The following CACNA2D3 variants were observed in gnomAD, a reference collection of about 807,000 sequenced individuals.
CACNA2D3 encodes calcium voltage-gated channel auxiliary subunit alpha2delta 3.
A neutral mutation model predicts 160.6 loss-of-function variants in CACNA2D3; 60 were observed. The observed-to-expected ratio is 0.37, with a 90% CI of 0.30 to 0.46. The LOEUF (loss-of-function observed/expected upper bound fraction) is 0.46. CACNA2D3 is among the 20% of genes least tolerant of loss of function. The pLI is 1.00. For missense variants in CACNA2D3, 1,205 were observed against 1,365.0 expected (o/e 0.88, Z 1.85); for synonymous variants, 558 against 492.9 (o/e 1.13, Z -1.75).
chr3:54,204,796 G>GAAAAAAAA (rs57129457), intron 2 of CACNA2D3, among the ~76,000 whole-genome samples: 9 of 74,058 alleles, frequency 1.2e-4, no homozygotes, highest in Admixed American at 1.8e-4. Flanking sequence ...ATGCTGTCTT[G>GAAAAAAAA]AAAAAAAAAA....
At chr3:54,879,580 G>C (rs80108014) in intron 20 of CACNA2D3, among the ~76,000 whole-genome samples, 169 bp downstream of exon 20, 39 of 152,124 alleles carry the variant, frequency 2.6e-4, no homozygotes, top group Admixed American at 8.5e-4. Context: ...TTTTCCAGAA[G>C]GGGGGGAGAT....
chr3:54,556,672 A>G (rs1702246693), intron 5 of CACNA2D3, among the ~76,000 whole-genome samples: 1 of 152,216 alleles, frequency 6.6e-6, no homozygotes, highest in Admixed American at 6.5e-5. Context: ...AACCGCAAGT[A>G]AAGCAAAGGG....
chr3:54,587,916 T>A (rs1702790867), intron 9 of CACNA2D3, among the ~76,000 whole-genome samples: 1 of 152,180 alleles, frequency 6.6e-6, no homozygotes, highest in Non-Finnish European at 1.5e-5. Context: ...AGAATTAATA[T>A]CAATTTTACA....
chr3:54,441,812 C>T (rs1311970751), intron 4 of CACNA2D3, among the ~76,000 whole-genome samples: 1 of 152,052 alleles, frequency 6.6e-6, no homozygotes, highest in East Asian at 1.9e-4. Context: ...CAACAGGGGC[C>T]CATGGGCTGA....
intron 4 of CACNA2D3, among the ~76,000 whole-genome samples, chr3:54,413,915 C>CTTTTTTTTTTTTTTTTTTT (rs11296998): frequency 7.2e-6 from 1 of 139,602 alleles, no homozygotes; most frequent in Non-Finnish European, 1.6e-5. Flanking sequence ...TTTTAAGTCA[C>CTTTTTTTTTTTTTTTTTTT]TTTTTTTTTT....
intron 4 of CACNA2D3, among the ~76,000 whole-genome samples, chr3:54,399,895 C>A (rs545621088): frequency 8.0e-6 from 1 of 124,472 alleles, no homozygotes; most frequent in Admixed American, 8.7e-5. Context: ...GCCCCTCCCC[C>A]AGCCTCGTTG....
At chr3:54,316,009 T>G (rs1703851756) in intron 2 of CACNA2D3, among the ~76,000 whole-genome samples, 1 of 152,194 alleles carries the variant, frequency 6.6e-6, no homozygotes, top group African/African-American at 2.4e-5. Flanking sequence ...AAAAAATCAT[T>G]TGTGATTGTA....
rs1035526033 is a variant in CACNA2D3 at position 54,551,358 on chromosome 3, AT to A, written c.545-11438del. On this transcript the variant is annotated intron_variant, in intron 5 of 37. Coordinates refer to ENST00000474759, the MANE Select transcript of CACNA2D3 (RefSeq NM_018398.3). Reference sequence around the variant, plus strand: ...GGCACACAGTGGGCATTCAGTAAATATTTTCTGAATGAATGAATAAATAAAT... The same window carrying A: ...GGCACACAGTGGGCATTCAGTAAATATTTCTGAATGAATGAATAAATAAAT... Among the ~76,000 whole-genome samples the A allele has an allele frequency of 2.8e-4, 43 of 152,314 alleles. 1 individual carries two copies. Among genetic ancestry groups the A allele is most frequent in the African/African-American group, 1.0e-3 (43 of 41,564 alleles).
intron 31 of CACNA2D3, among the ~76,000 whole-genome samples, chr3:54,996,988 C>T (rs1405009712): frequency 6.6e-6 from 1 of 151,942 alleles, no homozygotes; most frequent in African/African-American, 2.4e-5. Context: ...CACATGGACA[C>T]AGGGAGGGGA....
intron 3 of CACNA2D3, among the ~76,000 whole-genome samples, chr3:54,329,719 A>T (rs1409343992): frequency 1.3e-5 from 2 of 152,362 alleles, no homozygotes; most frequent in African/African-American, 4.8e-5. Flanking sequence ...TGTTACCATC[A>T]AGAGATCCAA....
intron 12 of CACNA2D3, among the ~76,000 whole-genome samples, chr3:54,763,651 ATATG>A (rs541381396): frequency 1.7e-3 from 221 of 127,958 alleles, no homozygotes; most frequent in African/African-American, 5.8e-3. Flanking sequence ...GTGTGTATAT[ATATG>A]TGTGTGTGTG....
intron 27 of CACNA2D3, among the ~76,000 whole-genome samples, chr3:54,944,313 CCACGT>C (rs1212514447): frequency 2.6e-5 from 4 of 151,936 alleles, no homozygotes; most frequent in Non-Finnish European, 5.9e-5. Flanking sequence ...TTATTATCTG[CCACGT>C]TTTCTTTTCC....
At chr3:54,826,734 T>G (rs1233159392) in intron 14 of CACNA2D3, among the ~76,000 whole-genome samples, 1 of 152,166 alleles carries the variant, frequency 6.6e-6, no homozygotes, top group Non-Finnish European at 1.5e-5. Flanking sequence ...TAATTATAAT[T>G]AACCACTCCC....
Position 54,843,087 on chromosome 3 carries a change from G to A in CACNA2D3, c.1552-3306G>A, listed in dbSNP as rs561790158. The stretch of plus-strand genomic sequence containing the variant: ...AGCGATTCTCCTGCCTCAGCCTCCC[G>A]AGTAGCTGGGATTACAGGTGCCCGC... On this transcript the variant is annotated intron_variant, in intron 16 of 37. Coordinates refer to ENST00000474759, the MANE Select transcript of CACNA2D3 (RefSeq NM_018398.3). Among the ~76,000 whole-genome samples the A allele has an allele frequency of 6.2e-4, 93 of 148,962 alleles. 1 individual carries two copies. The highest frequency in any genetic ancestry group is 2.1e-3 in the African/African-American group (85 of 40,554).
chr3:54,764,481 T>A, intron 13 of CACNA2D3, 130 bp downstream of exon 13: 1 of 1,154,940 alleles, frequency 8.7e-7, no homozygotes, highest in Non-Finnish European at 1.2e-6. Flanking sequence ...ATTGTTTGTA[T>A]AGTGTTGGTC....
intron 2 of CACNA2D3, among the ~76,000 whole-genome samples, chr3:54,257,304 A>G (rs1702315391): frequency 6.6e-6 from 1 of 152,220 alleles, no homozygotes; most frequent in African/African-American, 2.4e-5. Context: ...TGTACGGCAA[A>G]TATCTGATTC....
At chr3:54,523,676 TTCAATCCC>T (rs1302810494) in intron 5 of CACNA2D3, among the ~76,000 whole-genome samples, 1 of 152,132 alleles carries the variant, frequency 6.6e-6, no homozygotes, top group Admixed American at 6.5e-5. Flanking sequence ...AAGTTAATAA[TTCAATCCC>T]TTTACTCGTT....
At chr3:54,378,467 C>T (rs1264353490) in intron 3 of CACNA2D3, among the ~76,000 whole-genome samples, 1 of 152,136 alleles carries the variant, frequency 6.6e-6, no homozygotes, top group East Asian at 1.9e-4. Flanking sequence ...AGTACTGGTC[C>T]ATGCTGGGGG....
intron 11 of CACNA2D3, among the ~76,000 whole-genome samples, chr3:54,674,891 C>T (rs1259600246): frequency 1.3e-5 from 2 of 152,054 alleles, no homozygotes; most frequent in African/African-American, 4.8e-5. Flanking sequence ...GGGTAGAAGA[C>T]ACCATTATTG....
Sources: allele counts gnomAD v4.1 joint callset (sites outside exome capture counted in the v4.1 genomes callset), GRCh38; gene constraint gnomAD v4.1.1; transcripts MANE v1.5; gene names NCBI Gene and HGNC (gene_info 2026-07-23, HGNC 2026-07-21).